The following MAN1A1 variants were observed in gnomAD, a reference collection of about 807,000 sequenced individuals.
MAN1A1 encodes mannosyl-oligosaccharide 1,2-alpha-mannosidase IA.
In MAN1A1, 29 loss-of-function variants were observed where a neutral mutation model predicts 70.8. The observed-to-expected ratio is 0.41, with a 90% CI of 0.31 to 0.56. MAN1A1 has a LOEUF of 0.56. MAN1A1 is among the 20% of genes least tolerant of loss of function. The probability of loss-of-function intolerance (pLI) is 0.29; values close to 1 mark genes in which losing one functional copy is unlikely to be tolerated. For missense variants in MAN1A1, 747 were observed against 841.3 expected (o/e 0.89, Z 1.39); for synonymous variants, 349 against 330.1 (o/e 1.06, Z -0.62).
intron 5 of MAN1A1, among the ~76,000 whole-genome samples, chr6:119,252,540 T>A (rs529635699): frequency 1.3e-5 from 2 of 152,288 alleles, no homozygotes; most frequent in Non-Finnish European, 2.9e-5. Flanking sequence ...ATGCCTGTAA[T>A]CCCAGCACTT....
chr6:119,253,889 G>A (rs768797566), intron 5 of MAN1A1, among the ~76,000 whole-genome samples: 1 of 152,018 alleles, frequency 6.6e-6, no homozygotes, highest in Non-Finnish European at 1.5e-5. Context: ...TCAACCTTTG[G>A]CACAATTACA....
At chr6:119,180,518 C>CTT in intron 11 of MAN1A1, 91 bp from the exon 12 acceptor site, 1 of 697,108 alleles carries the variant, frequency 1.4e-6, no homozygotes, top group East Asian at 2.8e-5. Flanking sequence ...TCAGATAAAA[C>CTT]ATTTTTTTTT....
At chr6:119,222,967 G>T (rs994612837) in intron 6 of MAN1A1, among the ~76,000 whole-genome samples, 1 of 152,108 alleles carries the variant, frequency 6.6e-6, no homozygotes, top group African/African-American at 2.4e-5. Flanking sequence ...ACAACTCTGT[G>T]AATATACTCA....
At chr6:119,272,641 T>C (rs1005083280) in intron 5 of MAN1A1, among the ~76,000 whole-genome samples, 5 of 152,314 alleles carry the variant, frequency 3.3e-5, no homozygotes, top group South Asian at 4.2e-4. Context: ...TTTTGACTTC[T>C]AAATGGTTAA....
intron 6 of MAN1A1, among the ~76,000 whole-genome samples, chr6:119,224,281 C>A (rs1024446141): frequency 6.6e-6 from 1 of 152,234 alleles, no homozygotes; most frequent in Non-Finnish European, 1.5e-5. Flanking sequence ...CTTTTATAGA[C>A]TGAGTACTCC....
chr6:119,193,300 T>C (rs1562185543), intron 9 of MAN1A1, among the ~76,000 whole-genome samples: 1 of 152,222 alleles, frequency 6.6e-6, no homozygotes, highest in Non-Finnish European at 1.5e-5. Context: ...ATACTATTAA[T>C]GATCTTCCCT....
At chr6:119,314,038 C>T (rs886184278) in intron 2 of MAN1A1, among the ~76,000 whole-genome samples, 1 of 152,026 alleles carries the variant, frequency 6.6e-6, no homozygotes, top group African/African-American at 2.4e-5. Flanking sequence ...GCAACCTCTA[C>T]TTTACAGGCA....
At chr6:119,222,771 T>C (rs541178174) in intron 6 of MAN1A1, among the ~76,000 whole-genome samples, 3 of 152,242 alleles carry the variant, frequency 2.0e-5, no homozygotes, top group Non-Finnish European at 4.4e-5. Context: ...ATTTATATAA[T>C]CACAGCTGAA....
intron 6 of MAN1A1, among the ~76,000 whole-genome samples, chr6:119,217,872 T>G (rs1774253457): frequency 6.6e-6 from 1 of 152,208 alleles, no homozygotes; most frequent in Admixed American, 6.5e-5. Flanking sequence ...TTCTAATAAA[T>G]AGGATTACAT....
In MAN1A1 at chr6:119,227,917, A is replaced by C. The variant is rs559344725; in HGVS notation, c.992+20343T>G. ...TTTAACAAAAAGTTTTACTCACTAAAATTTTAAGAGAATGCACTATATATA... is the reference window on the plus strand; with the variant it reads ...TTTAACAAAAAGTTTTACTCACTAACATTTTAAGAGAATGCACTATATATA... On this transcript the variant is annotated intron_variant, in intron 6 of 12. Transcript: ENST00000368468. 7.9e-5 allele frequency among the ~76,000 whole-genome samples: 12 copies of C among 152,338 alleles called. No individual in the cohort carries two copies. In the East Asian group the frequency reaches 2.1e-3, roughly 27 times the overall value.
chr6:119,215,849 G>A (rs758810836), intron 6 of MAN1A1, among the ~76,000 whole-genome samples: 6 of 152,192 alleles, frequency 3.9e-5, no homozygotes, highest in Middle Eastern at 3.2e-3. Context: ...AATGTGTGAC[G>A]TGCAAAATAG....
intron 2 of MAN1A1, among the ~76,000 whole-genome samples, chr6:119,329,543 T>G (rs772537618): frequency 1.3e-5 from 2 of 152,082 alleles, no homozygotes; most frequent in Middle Eastern, 3.2e-3. Flanking sequence ...AAAAAGCACT[T>G]GGGAACATGT....
At chr6:119,349,352 G>A in intron 1 of MAN1A1, 65 bp from the exon 2 acceptor site, 3 of 1,088,166 alleles carry the variant, frequency 2.8e-6, no homozygotes, top group African/African-American at 1.6e-5. Context: ...GCGGGTCTCC[G>A]CCCTCCGACT....
intron 5 of MAN1A1, 32 bp downstream of exon 5, chr6:119,290,651 A>T (rs1221272172): frequency 6.7e-7 from 1 of 1,495,650 alleles, no homozygotes; most frequent in South Asian, 1.2e-5. Context: ...GACACTTTAT[A>T]ATTCACATTT....
Position 119,180,316 on chromosome 6 carries a change from A to G in MAN1A1, c.1831T>C (p.Leu611=), listed in dbSNP as rs899586777. 6.2e-7 allele frequency: 1 copy of G among 1,610,794 alleles called. No homozygotes were observed. The highest frequency in any genetic ancestry group is 1.7e-5 in the Admixed American group (1 of 59,846). ...TTTAGAATAATTTTCACCTACTTCA[A>G]TGTCTCTGCCAGGAAGAAACTCTGC... ...VQQSFFLAET[L]KYLYLIFSDD... is the part of the protein sequence containing the mutation. The change falls in exon 12 of 13, where the codon TTG becomes CTG. Residue 611 remains leucine (L), a synonymous_variant. Coordinates refer to ENST00000368468, the MANE Select transcript of MAN1A1 (RefSeq NM_005907.4).
At chr6:119,329,774 A>G (rs1773258061) in intron 2 of MAN1A1, among the ~76,000 whole-genome samples, 1 of 152,152 alleles carries the variant, frequency 6.6e-6, no homozygotes, top group Admixed American at 6.5e-5. Context: ...CCTCGTTCAC[A>G]GTTACCTTCT....
intron 2 of MAN1A1, among the ~76,000 whole-genome samples, chr6:119,339,494 G>C (rs1352024410): frequency 6.6e-6 from 1 of 152,184 alleles, no homozygotes; most frequent in Non-Finnish European, 1.5e-5. Context: ...AGTATATATA[G>C]TGTGGTTATA....
chr6:119,331,626 C>T (rs775231508), intron 2 of MAN1A1, among the ~76,000 whole-genome samples: 3 of 141,474 alleles, frequency 2.1e-5, no homozygotes, highest in Non-Finnish European at 4.6e-5. Flanking sequence ...CATACATGAA[C>T]ACATACTAGT....
At chr6:119,203,319 T>G (rs2114948212) in intron 7 of MAN1A1, among the ~76,000 whole-genome samples, 1 of 151,606 alleles carries the variant, frequency 6.6e-6, no homozygotes, top group African/African-American at 2.4e-5. Context: ...GTAGGCCACG[T>G]GGAAATGTGG....
Sources: allele counts gnomAD v4.1 joint callset (sites outside exome capture counted in the v4.1 genomes callset), GRCh38; gene constraint gnomAD v4.1.1; transcripts MANE v1.5; gene names NCBI Gene and HGNC (gene_info 2026-07-23, HGNC 2026-07-21).